The following CDC42EP3 variants were observed in gnomAD, a reference collection of about 807,000 sequenced individuals.
The protein encoded by CDC42EP3 is CDC42 effector protein 3.
A neutral mutation model predicts 15.5 loss-of-function variants in CDC42EP3; 4 were observed. The observed-to-expected ratio is 0.26, with a 90% confidence interval of 0.13 to 0.59. CDC42EP3 has a LOEUF of 0.59. Among genes scored for constraint, CDC42EP3 ranks in the 20% least tolerant of loss-of-function variants. CDC42EP3 has a pLI of 0.89. For missense variants in CDC42EP3, 309 were observed against 311.2 expected (o/e 0.99, Z 0.05); for synonymous variants, 145 against 130.3 (o/e 1.11, Z -0.77).
At chr2:37,648,268 G>A (rs138121460) in intron 1 of CDC42EP3, among the ~76,000 whole-genome samples, 2 of 152,266 alleles carry the variant, frequency 1.3e-5, no homozygotes, top group African/African-American at 4.8e-5. Flanking sequence ...TCCCTCAGGC[G>A]CTCCTCCCAC....
intron 1 of CDC42EP3, among the ~76,000 whole-genome samples, chr2:37,654,450 AG>A (rs1665785646): frequency 6.6e-6 from 1 of 152,104 alleles, no homozygotes; most frequent in East Asian, 1.9e-4. Context: ...TTGTTCTGGG[AG>A]GCCCTAGAGC....
In CDC42EP3 at chr2:37,645,693, T is replaced by A; in HGVS notation, c.*130A>T. The A allele has an allele frequency of 1.3e-6, 1 of 766,962 alleles. No individual in the cohort carries two copies. The highest frequency in any genetic ancestry group is 2.0e-6 in the Non-Finnish European group (1 of 497,836). 47.5% of individuals were successfully genotyped at this position (766,962 alleles called of 1,614,324 possible). ...AAACAGGGCATAACAGGTAAAAAAA[T>A]ACTTTGTAAGAATATTATTTTAGAA... On this transcript the variant is annotated 3_prime_UTR_variant, in exon 2 of 2. Coordinates refer to ENST00000295324, the MANE Select transcript of CDC42EP3 (RefSeq NM_006449.5).
intron 1 of CDC42EP3, among the ~76,000 whole-genome samples, chr2:37,661,244 T>C (rs533071115): frequency 4.6e-5 from 7 of 152,134 alleles, no homozygotes; most frequent in Non-Finnish European, 8.8e-5. Flanking sequence ...AGTAAAGGTC[T>C]GGGTTTTGAA....
rs1175314296 is a variant in CDC42EP3 at position 37,644,958 on chromosome 2, GCAT to G, written c.*862_*864del. The stretch of plus-strand genomic sequence containing the variant: ...GGTGTAGCCCACAGTCTCTGCAGAA[GCAT>G]CATGAGTAACCTGTGCCTTTACACT... On this transcript the variant is annotated 3_prime_UTR_variant, in exon 2 of 2. Coordinates refer to ENST00000295324, the MANE Select transcript of CDC42EP3 (RefSeq NM_006449.5). 6.6e-6 allele frequency: 1 copy of G among 152,252 alleles called. No individual in the cohort carries two copies. Among genetic ancestry groups the G allele is most frequent in the East Asian group, 1.9e-4 (1 of 5,188 alleles). The allele number at this position is 152,252 out of a possible 1,614,324, so 9.4% of individuals were successfully genotyped here. A position where few individuals can be genotyped will look rare whatever the true frequency, so the allele number is the denominator to read the frequency against.
rs1359651132 is a variant in CDC42EP3, at chr2:37,642,944, A to G, written c.*2879T>C. ...AAGAGCTAAGTATCCTGATATTTTG[A>G]TCTTTTCAAGCAGATAATTTCAGGC... On this transcript the variant is annotated 3_prime_UTR_variant, in exon 2 of 2. Transcript: ENST00000295324. 1 of 152,126 alleles carries G rather than the reference A, an allele frequency of 6.6e-6. No individual in the cohort carries two copies. The allele number at this position is 152,126 out of a possible 1,614,324, so 9.4% of individuals were successfully genotyped here. A position where few individuals can be genotyped will look rare whatever the true frequency, so the allele number is the denominator to read the frequency against.
intron 1 of CDC42EP3, among the ~76,000 whole-genome samples, chr2:37,648,955 C>G (rs1665572868): frequency 6.6e-6 from 1 of 152,038 alleles, no homozygotes; most frequent in African/African-American, 2.4e-5. Context: ...AGGAAGGCAG[C>G]TGCCATGGAA....
At chr2:37,660,865 A>T (rs1206710515) in intron 1 of CDC42EP3, among the ~76,000 whole-genome samples, 1 of 151,782 alleles carries the variant, frequency 6.6e-6, no homozygotes, top group Non-Finnish European at 1.5e-5. Context: ...AGGGTTAGGG[A>T]GTGTGCACAA....
chr2:37,651,631 G>C (rs1027625479), intron 1 of CDC42EP3, among the ~76,000 whole-genome samples: 5 of 152,224 alleles, frequency 3.3e-5, no homozygotes, highest in Admixed American at 6.5e-5. Flanking sequence ...TTGTAAAAGG[G>C]AAGAGATCTC....
At chr2:37,647,609 T>G (rs576469121) in intron 1 of CDC42EP3, 1 of 152,330 alleles carries the variant, frequency 6.6e-6, no homozygotes. Flanking sequence ...CTGATAAGGC[T>G]ATATCCTCCA....
chr2:37,667,981 A>AC (rs1666296521), intron 1 of CDC42EP3, among the ~76,000 whole-genome samples: 1 of 151,942 alleles, frequency 6.6e-6, no homozygotes, highest in Non-Finnish European at 1.5e-5. Context: ...ATGTTCCAAG[A>AC]CCCCCAGTGG....
At chr2:37,648,260 C>T (rs141646086) in intron 1 of CDC42EP3, among the ~76,000 whole-genome samples, 10 of 152,336 alleles carry the variant, frequency 6.6e-5, no homozygotes, top group Non-Finnish European at 1.2e-4. Context: ...TGACCTCTTC[C>T]CTCAGGCGCT....
In CDC42EP3 at chr2:37,644,204, C is replaced by T. The variant is rs543242967; in HGVS notation, c.*1619G>A. 1 of 152,038 alleles carries T rather than the reference C, an allele frequency of 6.6e-6. No homozygotes were observed. Among genetic ancestry groups the T allele is most frequent in the Non-Finnish European group, 1.5e-5 (1 of 68,002 alleles). 9.4% of individuals were successfully genotyped at this position (152,038 alleles called of 1,614,324 possible). On this transcript the variant is annotated 3_prime_UTR_variant, in exon 2 of 2. Coordinates refer to ENST00000295324, the MANE Select transcript of CDC42EP3 (RefSeq NM_006449.5). ...AAGGTTATTTTAGATGATAGAACTG[C>T]AAGAACCCCAAACCCAAAGAAAGAA...
intron 1 of CDC42EP3, among the ~76,000 whole-genome samples, chr2:37,653,689 C>T (rs920918160): frequency 1.3e-5 from 2 of 151,266 alleles, no homozygotes; most frequent in Non-Finnish European, 2.9e-5. Flanking sequence ...TTTTAAAATT[C>T]CATTTATTTT....
Position 37,646,490 on chromosome 2 carries a change from G to A in CDC42EP3, c.98C>T (p.Pro33Leu). The A allele has an allele frequency of 6.2e-7, 1 of 1,613,442 alleles. No individual in the cohort carries two copies. The highest frequency in any genetic ancestry group is 8.5e-7 in the Non-Finnish European group (1 of 1,179,748). Residue 33 changes from proline (P) to leucine (L), a missense_variant, in exon 2 of 2, where the codon CCC becomes CTC. Physicochemically the swap from Pro to Leu is moderately conservative, Grantham distance 98. Coordinates refer to ENST00000295324, the MANE Select transcript of CDC42EP3 (RefSeq NM_006449.5). Reference protein sequence around the residue: ...RDILSPDMISPPLGDFRHTIH... With the variant: ...RDILSPDMISLPLGDFRHTIH... ...GGTGTGGCGAAAGTCTCCAAGCGGG[G>A]GACTGATCATATCAGGAGACAGAAT...
intron 1 of CDC42EP3, among the ~76,000 whole-genome samples, chr2:37,659,305 A>T (rs72795739): frequency 0.12 from 18,254 of 152,298 alleles, 1,246 homozygotes; most frequent in South Asian, 0.17. Flanking sequence ...TGATTCTTAC[A>T]GAAGAAAACA....
upstream of CDC42EP3, chr2:37,672,309 C>CAACT (rs1297595386): frequency 6.6e-6 from 1 of 152,534 alleles, no homozygotes. Context: ...CCCGGCTGAG[C>CAACT]AACTGGACAC....
In CDC42EP3 at chr2:37,645,214, T is replaced by C. The variant is rs1665411325; in HGVS notation, c.*609A>G. The C allele has an allele frequency of 6.6e-6, 1 of 152,648 alleles. No individual in the cohort carries two copies. Among genetic ancestry groups the C allele is most frequent in the Non-Finnish European group, 1.5e-5 (1 of 68,042 alleles). The allele number at this position is 152,648 out of a possible 1,614,324, so 9.5% of individuals were successfully genotyped here. A position where few individuals can be genotyped will look rare whatever the true frequency, so the allele number is the denominator to read the frequency against. On this transcript the variant is annotated 3_prime_UTR_variant, in exon 2 of 2. Coordinates refer to ENST00000295324, the MANE Select transcript of CDC42EP3 (RefSeq NM_006449.5). ...TTTAAAAATAACTTAGTTACAGTAA[T>C]ACTTTGCCTGTGTCTTACCAACATG...
At chr2:37,665,808 T>C (rs61534324) in intron 1 of CDC42EP3, among the ~76,000 whole-genome samples, 47,044 of 151,986 alleles carry the variant, frequency 0.31, 8,570 homozygotes, top group East Asian at 0.55. Context: ...ACCCAGAGTC[T>C]TACATTATTA....
At chr2:37,671,739 G>A (rs1666430906), upstream of CDC42EP3, 1 of 150,614 alleles carries the variant, frequency 6.6e-6, no homozygotes, top group Non-Finnish European at 1.5e-5. Flanking sequence ...GCGGGGCGGA[G>A]GGCGCGGGCA....
Sources: gnomAD v4.1 joint callset for allele counts (sites outside exome capture counted in the v4.1 genomes callset) on GRCh38, gnomAD v4.1.1 for gene constraint, MANE v1.5 for transcripts, NCBI Gene and HGNC (gene_info 2026-07-23, HGNC 2026-07-21) for gene names.